Variants in CAMTA1 observed in about 807,000 individuals in gnomAD.
The protein encoded by CAMTA1 is calmodulin-binding transcription activator 1.
In CAMTA1, 27 loss-of-function variants were observed where a neutral mutation model predicts 170.9. The observed-to-expected ratio is 0.16, with a 90% CI of 0.12 to 0.22. The LOEUF is 0.22. Among genes scored for constraint, CAMTA1 ranks in the 10% least tolerant of loss-of-function variants. The pLI, the probability that CAMTA1 is intolerant of heterozygous loss-of-function variation, is 1.00. For missense variants in CAMTA1, 1,619 were observed against 2,217.2 expected (o/e 0.73, Z 5.42); for synonymous variants, 833 against 891.5 (o/e 0.93, Z 1.17).
chr1:7,551,851 C>T (rs970574226), intron 6 of CAMTA1, among the ~76,000 whole-genome samples: 4 of 152,210 alleles, frequency 2.6e-5, no homozygotes, highest in African/African-American at 9.7e-5. Context: ...GGCTTCTCTC[C>T]ATTCCTGATG....
chr1:7,407,781 G>A (rs1381529880), intron 5 of CAMTA1, among the ~76,000 whole-genome samples: 2 of 152,112 alleles, frequency 1.3e-5, no homozygotes, highest in Non-Finnish European at 2.9e-5. Context: ...CCCAGGCCAA[G>A]GTCCAGGCAT....
At chr1:7,643,930 AAGAAGACCTC>A (rs1290039714) in intron 7 of CAMTA1, among the ~76,000 whole-genome samples, 1 of 152,240 alleles carries the variant, frequency 6.6e-6, no homozygotes, top group Non-Finnish European at 1.5e-5. Flanking sequence ...GCTGAGAGCC[AAGAAGACCTC>A]AGATTTGATT....
chr1:7,026,329 C>G (rs1025212837), intron 3 of CAMTA1, among the ~76,000 whole-genome samples: 2 of 151,886 alleles, frequency 1.3e-5, no homozygotes, highest in Non-Finnish European at 2.9e-5. Flanking sequence ...CTGACTTCAT[C>G]ATGATATTCC....
intron 7 of CAMTA1, among the ~76,000 whole-genome samples, chr1:7,654,777 A>ACACACC (rs2095871063): frequency 7.0e-6 from 1 of 143,574 alleles, no homozygotes; most frequent in African/African-American, 2.6e-5. Context: ...ACCTAAACAC[A>ACACACC]CACCTATACC....
chr1:7,398,939 C>T (rs1217075760), intron 5 of CAMTA1, among the ~76,000 whole-genome samples: 1 of 152,114 alleles, frequency 6.6e-6, no homozygotes, highest in Non-Finnish European at 1.5e-5. Context: ...TAACCACTCC[C>T]CCATTTTTAA....
At chr1:7,331,954 C>T (rs1268321270) in intron 5 of CAMTA1, among the ~76,000 whole-genome samples, 2 of 152,164 alleles carry the variant, frequency 1.3e-5, no homozygotes, top group Non-Finnish European at 2.9e-5. Context: ...AAGACTTAGA[C>T]GCCTCTCCCC....
At position 7,680,842 on chromosome 1, in the gene CAMTA1, ACG is replaced by A. The variant is rs1553247058; in HGVS notation, c.2914+3127_2914+3128del. Among the ~76,000 whole-genome samples, 3 of 141,112 alleles carry A rather than the reference ACG, an allele frequency of 2.1e-5. No homozygotes were observed. Among genetic ancestry groups the A allele is most frequent in the African/African-American group, 2.6e-5 (1 of 38,486 alleles). The allele number at this position is 141,112 out of a possible 152,430, so 92.6% of individuals were successfully genotyped here. ...GGCGTGGGTCCGGGGCGCAGAGAACACGCGCGCGCGCGCGCGCGCCAGCAGCA... is the reference window on the plus strand; with the variant it reads ...GGCGTGGGTCCGGGGCGCAGAGAACACGCGCGCGCGCGCGCGCCAGCAGCA... On this transcript the variant is annotated intron_variant, in intron 11 of 22. Transcript: ENST00000303635. The surrounding 1 kb of genome is among the most constrained non-coding windows in gnomAD (Gnocchi z 4.4).
chr1:6,900,972 GAGAT>G (rs1676808688), intron 3 of CAMTA1, among the ~76,000 whole-genome samples: 1 of 152,232 alleles, frequency 6.6e-6, no homozygotes, highest in Non-Finnish European at 1.5e-5. Flanking sequence ...GCAAAGCTAG[GAGAT>G]AGCCTGATTT....
intron 4 of CAMTA1, among the ~76,000 whole-genome samples, chr1:7,123,202 T>A (rs61779977): frequency 1.3e-5 from 2 of 152,130 alleles, no homozygotes; most frequent in African/African-American, 2.4e-5. Flanking sequence ...GTTTCCCTCT[T>A]TGGCTTGAGA....
intron 1 of CAMTA1, among the ~76,000 whole-genome samples, chr1:6,790,962 G>T (rs1427070827): frequency 1.3e-5 from 2 of 152,140 alleles, no homozygotes; most frequent in Admixed American, 6.5e-5. Flanking sequence ...GAAAACTCCT[G>T]TGTGAGGTTT....
intron 3 of CAMTA1, among the ~76,000 whole-genome samples, chr1:7,023,753 T>C (rs541042978): frequency 6.6e-6 from 1 of 151,998 alleles, no homozygotes; most frequent in South Asian, 2.1e-4. Flanking sequence ...TAAGGCCAGG[T>C]GTGGTGGCTC....
chr1:7,684,668 C>A (rs759385907), intron 11 of CAMTA1, among the ~76,000 whole-genome samples: 10 of 152,192 alleles, frequency 6.6e-5, no homozygotes, highest in Non-Finnish European at 1.2e-4. Context: ...CAACCCCATC[C>A]GGTGTGAACC....
chr1:7,222,372 C>T (rs1449183908), intron 4 of CAMTA1, among the ~76,000 whole-genome samples: 1 of 152,154 alleles, frequency 6.6e-6, no homozygotes, highest in African/African-American at 2.4e-5. Flanking sequence ...AGATTTGATC[C>T]TCATGGAACA....
chr1:7,125,823 A>G lies in CAMTA1; in HGVS notation c.302+34452A>G, dbSNP rs562241576. 2.0e-5 allele frequency among the ~76,000 whole-genome samples: 3 copies of G among 152,318 alleles called. No individual in the cohort carries two copies. In the East Asian group the frequency reaches 5.8e-4, roughly 29 times the overall value. On this transcript the variant is annotated intron_variant, in intron 4 of 22. Transcript: ENST00000303635. ...GACCTGAAGTGAAATCACGGGACAG[A>G]GGTTCCAGGGGTCCCTCCTTTCCAT...
At chr1:7,386,814 C>T (rs2088052121) in intron 5 of CAMTA1, among the ~76,000 whole-genome samples, 1 of 152,146 alleles carries the variant, frequency 6.6e-6, no homozygotes, top group Non-Finnish European at 1.5e-5. Flanking sequence ...CTCCTTCCTC[C>T]CCTCCTAACA....
At chr1:7,467,782 C>T (rs1344807294) in intron 5 of CAMTA1, 48 bp from the exon 6 acceptor site, 4 of 1,381,302 alleles carry the variant, frequency 2.9e-6, no homozygotes, top group Admixed American at 3.4e-5. Flanking sequence ...TCCTTCCTTC[C>T]TTCCTTCCCT....
chr1:7,722,032 G>C (rs540756142), intron 11 of CAMTA1, among the ~76,000 whole-genome samples: 1 of 152,230 alleles, frequency 6.6e-6, no homozygotes, highest in African/African-American at 2.4e-5. Context: ...AAAGTGAGTT[G>C]TGTAAAATCC....
At chr1:7,311,699 A>G (rs564151255) in intron 5 of CAMTA1, among the ~76,000 whole-genome samples, 4 of 152,300 alleles carry the variant, frequency 2.6e-5, no homozygotes, top group Admixed American at 1.3e-4. Context: ...GTTGAGATCT[A>G]AAGGAGAATG....
intron 6 of CAMTA1, among the ~76,000 whole-genome samples, chr1:7,507,340 T>C (rs1379800517): frequency 6.6e-6 from 1 of 152,132 alleles, no homozygotes; most frequent in African/African-American, 2.4e-5. Context: ...GCCTCCTGGC[T>C]GCTCTGATGT....
Sources: gnomAD v4.1 joint callset for allele counts (sites outside exome capture counted in the v4.1 genomes callset) on GRCh38, gnomAD v4.1.1 for gene constraint, Gnocchi (gnomAD v3.1) non-coding constraint, MANE v1.5 for transcripts, NCBI Gene and HGNC (gene_info 2026-07-23, HGNC 2026-07-21) for gene names.